REEP1: variants seen among roughly 807,000 people sequenced by gnomAD.
REEP1 encodes the protein receptor accessory protein 1.
Under a neutral mutation model 40.3 loss-of-function variants are expected in REEP1, and 22 were observed. That is an observed-to-expected ratio of 0.55 (90% CI 0.39 to 0.78). REEP1 has a LOEUF of 0.78. Among genes scored for constraint, REEP1 ranks in the 30% least tolerant of loss-of-function variants. The pLI is 0.00. For missense variants in REEP1, 280 were observed against 361.1 expected (o/e 0.78, Z 1.82); for synonymous variants, 116 against 139.2 (o/e 0.83, Z 1.17).
intron 4 of REEP1, among the ~76,000 whole-genome samples, chr2:86,253,285 A>AC (rs1033830824): frequency 3.4e-5 from 5 of 145,264 alleles, no homozygotes; most frequent in African/African-American, 1.3e-4. Context: ...CGCGCCCCCC[A>AC]CCCCCCAAAA....
In REEP1 at chr2:86,307,968, A is replaced by G. The variant is rs543179259; in HGVS notation, c.33-25726T>C. Among the ~76,000 whole-genome samples the G allele has an allele frequency of 1.4e-4, 21 of 152,278 alleles. No homozygotes were observed. In the East Asian group the frequency reaches 4.0e-3, roughly 29 times the overall value. On this transcript the variant is annotated intron_variant, in intron 1 of 8. Transcript: ENST00000538924. ...GATAACATTTCCTTTCCATATAAAT[A>G]TTTTCCAATTAATTGGCTCATTTAA...
At chr2:86,261,847 C>T (rs768933879) in intron 3 of REEP1, among the ~76,000 whole-genome samples, 12 of 152,224 alleles carry the variant, frequency 7.9e-5, no homozygotes, top group Admixed American at 5.2e-4. Context: ...CCCGATTGTA[C>T]GTTCCATCTA....
intron 2 of REEP1, among the ~76,000 whole-genome samples, chr2:86,269,413 C>G (rs13417321): frequency 0.042 from 6,341 of 152,240 alleles, 462 homozygotes; most frequent in African/African-American, 0.14. Context: ...TAGCTAACTC[C>G]TAGATTATAA....
At chr2:86,257,350 C>A (rs1676620231) in intron 3 of REEP1, among the ~76,000 whole-genome samples, 1 of 152,236 alleles carries the variant, frequency 6.6e-6, no homozygotes. Flanking sequence ...AAAAAAAATT[C>A]TAAAAGTCCA....
intron 2 of REEP1, among the ~76,000 whole-genome samples, chr2:86,271,519 A>G (rs548364154): frequency 6.6e-6 from 1 of 152,312 alleles, no homozygotes; most frequent in African/African-American, 2.4e-5. Context: ...AAAAATGTCA[A>G]CCTAGAATTC....
rs546688458 is a variant in REEP1, at chr2:86,323,111, G to A, written c.32+14368C>T. ...TACTTGGGAGGCTGAGCCAGGGCAG[G>A]AGAACCTCTTGCACCCAGGAGGTCA... is the stretch of plus-strand genomic sequence containing the variant. On this transcript the variant is annotated intron_variant, in intron 1 of 8. Coordinates refer to ENST00000538924, the MANE Select transcript of REEP1 (RefSeq NM_001371279.1). Among the ~76,000 whole-genome samples the A allele has an allele frequency of 6.6e-5, 10 of 152,228 alleles. No individual in the cohort carries two copies. In the South Asian group the frequency reaches 2.1e-3, roughly 32 times the overall value.
At chr2:86,249,966 G>A (rs1045279862) in intron 5 of REEP1, among the ~76,000 whole-genome samples, 4 of 152,164 alleles carry the variant, frequency 2.6e-5, no homozygotes, top group South Asian at 4.1e-4. Flanking sequence ...CCCTCACTAC[G>A]TTAGTCCAGC....
intron 2 of REEP1, among the ~76,000 whole-genome samples, chr2:86,264,472 C>T (rs545953661): frequency 6.6e-6 from 1 of 152,196 alleles, no homozygotes; most frequent in South Asian, 2.1e-4. Flanking sequence ...TCCCATGTGA[C>T]CATCCTTTTC....
chr2:86,305,400 A>G (rs1679438202), intron 1 of REEP1, among the ~76,000 whole-genome samples: 1 of 152,188 alleles, frequency 6.6e-6, no homozygotes, highest in South Asian at 2.1e-4. Context: ...GCACCAGCTG[A>G]GCAAGCTCAG....
intron 1 of REEP1, among the ~76,000 whole-genome samples, chr2:86,284,561 C>T (rs903418186): frequency 6.6e-6 from 1 of 152,212 alleles, no homozygotes; most frequent in Non-Finnish European, 1.5e-5. Context: ...TTCAGCAAAG[C>T]CTCGGGCACA....
chr2:86,231,470 C>A (rs532323120), intron 6 of REEP1, among the ~76,000 whole-genome samples: 1 of 152,356 alleles, frequency 6.6e-6, no homozygotes, highest in East Asian at 1.9e-4. Context: ...TCCCAGGCAG[C>A]CGCAGGCCTC....
chr2:86,315,310 A>G (rs547203216), intron 1 of REEP1, among the ~76,000 whole-genome samples: 1 of 152,276 alleles, frequency 6.6e-6, no homozygotes, highest in African/African-American at 2.4e-5. Context: ...GGGGCCAGAT[A>G]GTGTTGCTGG....
intron 1 of REEP1, among the ~76,000 whole-genome samples, chr2:86,299,200 T>C (rs780522651): frequency 2.6e-5 from 4 of 152,202 alleles, no homozygotes; most frequent in Non-Finnish European, 5.9e-5. Flanking sequence ...CAGTCATCAT[T>C]CTCTTGGCCT....
intron 1 of REEP1, among the ~76,000 whole-genome samples, chr2:86,327,857 G>A (rs978852037): frequency 5.3e-5 from 8 of 152,122 alleles, no homozygotes; most frequent in African/African-American, 1.9e-4. Context: ...ATGAGCCACC[G>A]TGCCTGGCCC....
intron 5 of REEP1, among the ~76,000 whole-genome samples, chr2:86,233,113 G>A (rs560197206): frequency 4.7e-4 from 72 of 152,326 alleles, no homozygotes; most frequent in African/African-American, 1.5e-3. Flanking sequence ...GGCCAAGGGC[G>A]TGACTACTGC....
chr2:86,252,096 C>G (rs1309293299), intron 4 of REEP1, 26 bp from the exon 5 acceptor site: 1 of 1,492,010 alleles, frequency 6.7e-7, no homozygotes, highest in South Asian at 1.1e-5. Flanking sequence ...CAGAGGCACA[C>G]TGAGCTGGAA....
At chr2:86,285,389 G>A (rs1307706816) in intron 1 of REEP1, among the ~76,000 whole-genome samples, 1 of 152,208 alleles carries the variant, frequency 6.6e-6, no homozygotes, top group East Asian at 1.9e-4. Flanking sequence ...CAGGCCTTAT[G>A]TAGTAGCAGC....
chr2:86,299,710 TTTATTGGCTACTAATAAAGTAG>T (rs1359391722), intron 1 of REEP1, among the ~76,000 whole-genome samples: 1 of 152,222 alleles, frequency 6.6e-6, no homozygotes, highest in Non-Finnish European at 1.5e-5. Flanking sequence ...TTGGCTACTA[TTTATTGGCTACTAATAAAGTAG>T]TTATTGGCTA....
At chr2:86,224,441 G>A (rs1276960152) in intron 7 of REEP1, among the ~76,000 whole-genome samples, 1 of 152,210 alleles carries the variant, frequency 6.6e-6, no homozygotes, top group Admixed American at 6.5e-5. Flanking sequence ...AGGACCAAGG[G>A]ACACCTCATG....
Sources: gnomAD v4.1 joint callset for allele counts (sites outside exome capture counted in the v4.1 genomes callset) on GRCh38, gnomAD v4.1.1 for gene constraint, MANE v1.5 for transcripts, NCBI Gene and HGNC (gene_info 2026-07-23, HGNC 2026-07-21) for gene names.